RGS7: variants seen among roughly 807,000 people sequenced by gnomAD.
RGS7 encodes regulator of G-protein signaling 7.
RGS7 carries 27 observed loss-of-function variants against 81.1 expected under a neutral mutation model. The ratio of observed to expected loss-of-function variants is 0.33; its 90% confidence interval spans 0.25 to 0.46. The LOEUF (loss-of-function observed/expected upper bound fraction) is 0.46, where lower values mean the gene tolerates loss of function less well. Among genes scored for constraint, RGS7 ranks in the 20% least tolerant of loss-of-function variants. The pLI, the probability that RGS7 is intolerant of heterozygous loss-of-function variation, is 1.00. For missense variants in RGS7, 396 were observed against 607.4 expected (o/e 0.65, Z 3.66); for synonymous variants, 208 against 207.7 (o/e 1.00, Z -0.01).
At chr1:240,866,795 G>C (rs1663377960) in intron 9 of RGS7, among the ~76,000 whole-genome samples, 1 of 152,166 alleles carries the variant, frequency 6.6e-6, no homozygotes, top group African/African-American at 2.4e-5. Flanking sequence ...TTTGAGGTGG[G>C]ATCATGTGTC....
At chr1:241,248,803 G>A (rs2076689787) in intron 2 of RGS7, among the ~76,000 whole-genome samples, 1 of 152,144 alleles carries the variant, frequency 6.6e-6, no homozygotes, top group African/African-American at 2.4e-5. Flanking sequence ...AGGCAGACAT[G>A]TAAGTAATAA....
intron 3 of RGS7, among the ~76,000 whole-genome samples, chr1:241,078,890 C>T (rs1038983828): frequency 2.6e-5 from 4 of 152,152 alleles, no homozygotes; most frequent in South Asian, 2.1e-4. Flanking sequence ...AGAAATGGCA[C>T]GAAAATCCAG....
In RGS7 at chr1:240,844,585, T is replaced by C. The variant is rs905307055; in HGVS notation, c.610-17413A>G. Among the ~76,000 whole-genome samples the C allele has an allele frequency of 1.3e-5, 2 of 152,172 alleles. 1 individual carries two copies. The highest frequency in any genetic ancestry group is 4.8e-5 in the African/African-American group (2 of 41,444). On this transcript the variant is annotated intron_variant, in intron 9 of 18. Coordinates refer to ENST00000440928, the MANE Select transcript of RGS7 (RefSeq NM_001364886.1). ...CACATAAATAGCATCAGATATTACA[T>C]AATAATAGGACACTGTATCTACAAA...
intron 9 of RGS7, among the ~76,000 whole-genome samples, chr1:240,865,235 T>A (rs1663019464): frequency 6.6e-6 from 1 of 152,146 alleles, no homozygotes; most frequent in Non-Finnish European, 1.5e-5. Flanking sequence ...AAAGCCCACC[T>A]GCTTCCCACT....
intron 2 of RGS7, among the ~76,000 whole-genome samples, chr1:241,235,457 A>G (rs1007011554): frequency 2.0e-5 from 3 of 152,232 alleles, no homozygotes; most frequent in African/African-American, 7.2e-5. Context: ...CCTGGTTTCC[A>G]TGGCAACATC....
chr1:241,006,687 T>C (rs1332019272), intron 3 of RGS7, among the ~76,000 whole-genome samples: 1 of 152,132 alleles, frequency 6.6e-6, no homozygotes, highest in African/African-American at 2.4e-5. Flanking sequence ...CTTCAGGAGA[T>C]AGGACAGAAT....
intron 2 of RGS7, among the ~76,000 whole-genome samples, chr1:241,127,326 C>T (rs1572804939): frequency 6.6e-6 from 1 of 152,140 alleles, no homozygotes; most frequent in African/African-American, 2.4e-5. Context: ...CGTCTCAACA[C>T]ATTTTAAGGA....
chr1:241,275,809 A>G (rs2078163347), intron 2 of RGS7, among the ~76,000 whole-genome samples: 1 of 152,216 alleles, frequency 6.6e-6, no homozygotes, highest in African/African-American at 2.4e-5. Flanking sequence ...TCTAACCATC[A>G]CTTGCGTGAA....
At chr1:241,211,272 T>C (rs544740925) in intron 2 of RGS7, among the ~76,000 whole-genome samples, 3 of 152,224 alleles carry the variant, frequency 2.0e-5, no homozygotes, top group African/African-American at 7.2e-5. Flanking sequence ...GTGTGTTTAT[T>C]CACTAGGCTA....
chr1:241,273,672 A>C (rs1309364957), intron 2 of RGS7, among the ~76,000 whole-genome samples: 2 of 152,078 alleles, frequency 1.3e-5, no homozygotes, highest in African/African-American at 4.8e-5. Context: ...GCCCAACTCT[A>C]GCCCTCATAG....
intron 2 of RGS7, among the ~76,000 whole-genome samples, chr1:241,222,257 C>G (rs1050836124): frequency 7.9e-5 from 12 of 152,170 alleles, no homozygotes; most frequent in African/African-American, 2.7e-4. Context: ...CGCTGACATT[C>G]TAAAGCAGTG....
At chr1:240,979,565 T>C (rs1419745048) in intron 4 of RGS7, among the ~76,000 whole-genome samples, 1 of 152,134 alleles carries the variant, frequency 6.6e-6, no homozygotes, top group African/African-American at 2.4e-5. Flanking sequence ...TTTGGTTGTG[T>C]TGAGTTTGAC....
At chr1:241,293,454 G>A (rs1245399905) in intron 2 of RGS7, among the ~76,000 whole-genome samples, 1 of 152,088 alleles carries the variant, frequency 6.6e-6, no homozygotes, top group Non-Finnish European at 1.5e-5. Flanking sequence ...GTTGTCATAG[G>A]AGATGACAGC....
intron 6 of RGS7, among the ~76,000 whole-genome samples, chr1:240,893,192 T>C (rs1331662347): frequency 6.6e-6 from 1 of 152,188 alleles, no homozygotes; most frequent in South Asian, 2.1e-4. Flanking sequence ...AAGGCTTTCC[T>C]AAACTGGCAA....
At chr1:241,225,126 T>C (rs2075245700) in intron 2 of RGS7, among the ~76,000 whole-genome samples, 1 of 152,182 alleles carries the variant, frequency 6.6e-6, no homozygotes, top group South Asian at 2.1e-4. Flanking sequence ...ATCCGTTAAG[T>C]AATTTCTCAT....
intron 2 of RGS7, among the ~76,000 whole-genome samples, chr1:241,232,621 T>A (rs2075729801): frequency 6.6e-6 from 1 of 152,126 alleles, no homozygotes; most frequent in Non-Finnish European, 1.5e-5. Flanking sequence ...GCTTGGCTGT[T>A]CTAGGTCATT....
intron 2 of RGS7, among the ~76,000 whole-genome samples, chr1:241,166,822 G>A (rs2070290607): frequency 6.6e-6 from 1 of 152,162 alleles, no homozygotes; most frequent in Non-Finnish European, 1.5e-5. Context: ...TCTCTTGAAG[G>A]GATGAGACAG....
intron 3 of RGS7, among the ~76,000 whole-genome samples, chr1:241,044,167 G>A (rs1482588822): frequency 6.7e-6 from 1 of 148,640 alleles, no homozygotes; most frequent in African/African-American, 2.5e-5. Flanking sequence ...AGGGTGGAGT[G>A]CAGTGGCATG....
At chr1:241,246,142 T>C (rs956383291) in intron 2 of RGS7, among the ~76,000 whole-genome samples, 2 of 152,006 alleles carry the variant, frequency 1.3e-5, no homozygotes, top group African/African-American at 4.8e-5. Flanking sequence ...TGTGTGTGTC[T>C]GTGATGATGG....
Sources: allele counts gnomAD v4.1 joint callset (sites outside exome capture counted in the v4.1 genomes callset), GRCh38; gene constraint gnomAD v4.1.1; transcripts MANE v1.5; gene names NCBI Gene and HGNC (gene_info 2026-07-23, HGNC 2026-07-21).